The following PHACTR3 variants were observed in gnomAD, a reference collection of about 807,000 sequenced individuals.
PHACTR3 encodes protein phosphatase 1, regulatory subunit 123.
In PHACTR3, 16 loss-of-function variants were observed where a neutral mutation model predicts 66.8. That is an observed-to-expected ratio of 0.24 (90% CI 0.16 to 0.36). The LOEUF (loss-of-function observed/expected upper bound fraction) is 0.36. Among genes scored for constraint, PHACTR3 ranks in the 10% least tolerant of loss-of-function variants. PHACTR3 has a pLI of 1.00. For missense variants in PHACTR3, 647 were observed against 719.9 expected (o/e 0.90, Z 1.16); for synonymous variants, 323 against 292.1 (o/e 1.11, Z -1.08).
intron 7 of PHACTR3, among the ~76,000 whole-genome samples, chr20:59,777,481 G>A (rs894706825): frequency 6.6e-6 from 1 of 152,158 alleles, no homozygotes. Context: ...CCGGTCCATG[G>A]CCTCCAACAG....
chr20:59,605,136 ACGGGCTGGGCGGGGGCGG>A lies in PHACTR3; in HGVS notation c.118+10_118+27del. 1.2e-6 allele frequency: 1 copy of A among 862,594 alleles called. No individual in the cohort carries two copies. Among genetic ancestry groups the A allele is most frequent in the Non-Finnish European group, 1.6e-6 (1 of 638,712 alleles). The allele number at this position is 862,594 out of a possible 1,614,324, so 53.4% of individuals were successfully genotyped here. A position where few individuals can be genotyped will look rare whatever the true frequency, so the allele number is the denominator to read the frequency against. On this transcript the variant is annotated splice_donor_5th_base_variant and intron_variant, in intron 1 of 12. Transcript: ENST00000371015. Reference sequence around the variant, plus strand: ...GCGGACGCCGGGGAGAACCCAGGTAACGGGCTGGGCGGGGGCGGCGGGCGGGTCGGGGAGGCCCGAGGC... The same window carrying A: ...GCGGACGCCGGGGAGAACCCAGGTAACGGGCGGGTCGGGGAGGCCCGAGGC...
chr20:59,743,018 C>G, intron 1 of PHACTR3, 89 bp from the exon 2 acceptor site: 1 of 1,434,654 alleles, frequency 7.0e-7, no homozygotes, highest in East Asian at 2.3e-5. Context: ...ACTGGTGACC[C>G]CTTAGGGTGA....
At chr20:59,706,596 A>G (rs748073194) in intron 1 of PHACTR3, among the ~76,000 whole-genome samples, 1 of 152,198 alleles carries the variant, frequency 6.6e-6, no homozygotes, top group Non-Finnish European at 1.5e-5. Flanking sequence ...ATTAGTGTTC[A>G]TGGTTGTTAA....
chr20:59,613,130 A>C (rs1235748105), intron 1 of PHACTR3, among the ~76,000 whole-genome samples: 2 of 152,216 alleles, frequency 1.3e-5, no homozygotes, highest in Admixed American at 1.3e-4. Flanking sequence ...GGGGACAAAT[A>C]TTCAAACCCT....
At chr20:59,729,200 T>C (rs1186763783) in intron 1 of PHACTR3, among the ~76,000 whole-genome samples, 1 of 151,898 alleles carries the variant, frequency 6.6e-6, no homozygotes, top group African/African-American at 2.4e-5. Flanking sequence ...AGGGAGGGCA[T>C]TGCGGGAACC....
chr20:59,621,129 C>G (rs990733899), intron 1 of PHACTR3, among the ~76,000 whole-genome samples: 3 of 152,234 alleles, frequency 2.0e-5, no homozygotes, highest in African/African-American at 7.2e-5. Flanking sequence ...GCTCCAGGCC[C>G]CCAGGGCCTC....
At chr20:59,637,570 C>T (rs1254665871) in intron 1 of PHACTR3, among the ~76,000 whole-genome samples, 1 of 152,066 alleles carries the variant, frequency 6.6e-6, no homozygotes, top group Admixed American at 6.5e-5. Context: ...TGCATTTCTC[C>T]TGGGAATTCA....
intron 1 of PHACTR3, among the ~76,000 whole-genome samples, chr20:59,606,250 C>A (rs1182083494): frequency 2.0e-5 from 3 of 152,090 alleles, no homozygotes; most frequent in Non-Finnish European, 4.4e-5. Flanking sequence ...CAGAGCTTCC[C>A]GATAAACTGC....
Position 59,604,838 on chromosome 20 carries a change from A to C in PHACTR3, c.-177A>C, listed in dbSNP as rs1600896381. 2 of 1,204,480 alleles carry C rather than the reference A, an allele frequency of 1.7e-6. No individual in the cohort carries two copies. The highest frequency in any genetic ancestry group is 1.6e-5 in the African/African-American group (1 of 62,370). The allele number at this position is 1,204,480 out of a possible 1,614,324, so 74.6% of individuals were successfully genotyped here. A position where few individuals can be genotyped will look rare whatever the true frequency, so the allele number is the denominator to read the frequency against. On this transcript the variant is annotated 5_prime_UTR_variant, in exon 1 of 13. Coordinates refer to ENST00000371015, the MANE Select transcript of PHACTR3 (RefSeq NM_080672.5). ...GCTATTGTCTCCCCGCCCTGAAGCC[A>C]GCCCCGGCGTCTTTCTCCAGCTCGT...
chr20:59,834,993 C>G (rs2042484011), intron 8 of PHACTR3, among the ~76,000 whole-genome samples: 1 of 152,166 alleles, frequency 6.6e-6, no homozygotes, highest in Non-Finnish European at 1.5e-5. Context: ...GTTGGGCCTC[C>G]TTCAAAGCTG....
intron 7 of PHACTR3, among the ~76,000 whole-genome samples, chr20:59,804,240 G>A: frequency 6.6e-6 from 1 of 152,136 alleles, no homozygotes; most frequent in East Asian, 1.9e-4. Flanking sequence ...AGAATGACTT[G>A]CTCCTAGCAC....
intron 1 of PHACTR3, among the ~76,000 whole-genome samples, chr20:59,683,889 T>A (rs2036758340): frequency 6.6e-6 from 1 of 152,152 alleles, no homozygotes; most frequent in African/African-American, 2.4e-5. Flanking sequence ...GCCGTTATAG[T>A]GGGTAGAAGA....
At chr20:59,751,232 C>T (rs1259004787) in intron 3 of PHACTR3, among the ~76,000 whole-genome samples, 2 of 152,116 alleles carry the variant, frequency 1.3e-5, no homozygotes, top group South Asian at 2.1e-4. Context: ...CTTCAGCCAC[C>T]GCCTTCCACT....
chr20:59,665,753 C>A (rs887179751), intron 1 of PHACTR3, among the ~76,000 whole-genome samples: 3 of 151,548 alleles, frequency 2.0e-5, no homozygotes, highest in Non-Finnish European at 2.9e-5. Flanking sequence ...AGATGAAGGG[C>A]GAGAGGATTG....
chr20:59,798,332 T>A (rs1156580297), intron 7 of PHACTR3, among the ~76,000 whole-genome samples: 1 of 152,170 alleles, frequency 6.6e-6, no homozygotes, highest in Non-Finnish European at 1.5e-5. Context: ...GTTAACACTA[T>A]TACATTGGAG....
chr20:59,621,749 C>T (rs1242776605), intron 1 of PHACTR3, among the ~76,000 whole-genome samples: 9 of 152,162 alleles, frequency 5.9e-5, no homozygotes, highest in Non-Finnish European at 8.8e-5. Context: ...TGGTGAGCCA[C>T]GTCCACCACA....
chr20:59,817,833 A>T (rs2041928698), intron 8 of PHACTR3, among the ~76,000 whole-genome samples: 1 of 152,252 alleles, frequency 6.6e-6, no homozygotes, highest in African/African-American at 2.4e-5. Context: ...TGCACCCAGA[A>T]AACATATTTG....
At chr20:59,707,607 G>A (rs966812257) in intron 1 of PHACTR3, among the ~76,000 whole-genome samples, 5 of 152,044 alleles carry the variant, frequency 3.3e-5, no homozygotes, top group Non-Finnish European at 7.4e-5. Context: ...GCTGGGACTA[G>A]GGGGCATGCC....
intron 1 of PHACTR3, among the ~76,000 whole-genome samples, chr20:59,617,891 G>A (rs1470030749): frequency 6.6e-6 from 1 of 152,220 alleles, no homozygotes; most frequent in Non-Finnish European, 1.5e-5. Flanking sequence ...GAATAGCGCA[G>A]CAAACCGACC....
Sources: allele counts gnomAD v4.1 joint callset (sites outside exome capture counted in the v4.1 genomes callset), GRCh38; gene constraint gnomAD v4.1.1; transcripts MANE v1.5; gene names NCBI Gene and HGNC (gene_info 2026-07-23, HGNC 2026-07-21).